Variants in A3GALT2 observed in about 807,000 individuals in gnomAD.
A3GALT2 encodes the protein alpha-1,3-galactosyltransferase 2.
Under a neutral mutation model 16.6 loss-of-function variants are expected in A3GALT2, and 14 were observed. That is an observed-to-expected ratio of 0.84 (90% confidence interval 0.56 to 1.32). The LOEUF is 1.32. Ranked by LOEUF, A3GALT2 falls within the 40% of genes most tolerant of loss-of-function variation. The pLI is 0.00. For missense variants in A3GALT2, 600 were observed against 490.9 expected, an observed-to-expected ratio of 1.22 and a Z score of -2.10; for synonymous variants, 253 against 218.0, an observed-to-expected ratio of 1.16 and a Z score of -1.42.
chr1:33,309,122 A>C (rs1646219384), intron 4 of A3GALT2, among the ~76,000 whole-genome samples: 1 of 151,918 alleles, frequency 6.6e-6, no homozygotes, highest in African/African-American at 2.4e-5. Flanking sequence ...AGGCAGAAGA[A>C]TTTTTCTTAG....
Position 33,312,468 on chromosome 1 carries a change from G to T in A3GALT2, c.197+33C>A, listed in dbSNP as rs369278369. 337 of 1,531,734 alleles carry T rather than the reference G, an allele frequency of 2.2e-4. 5 individuals carry two copies. In the South Asian group the frequency reaches 2.5e-3, roughly 11 times the overall value. 94.9% of individuals were successfully genotyped at this position (1,531,734 alleles called of 1,614,324 possible). Reference sequence around the variant, plus strand: ...GCAGAGCTGTGTAGGGTTTGGGGGTGCCCTTGGAGTAGGAGGGATGGGAGC... The same window carrying T: ...GCAGAGCTGTGTAGGGTTTGGGGGTTCCCTTGGAGTAGGAGGGATGGGAGC... On this transcript the variant is annotated intron_variant, in intron 3 of 4. Coordinates refer to ENST00000442999, the MANE Select transcript of A3GALT2 (RefSeq NM_001080438.1).
chr1:33,318,429 A>G (rs1005282455), intron 1 of A3GALT2, among the ~76,000 whole-genome samples: 1 of 150,032 alleles, frequency 6.7e-6, no homozygotes, highest in African/African-American at 2.5e-5. Flanking sequence ...GTTCTCAGCG[A>G]TTGATCCCAG....
At chr1:33,312,012 T>A in intron 4 of A3GALT2, 40 bp downstream of exon 4, 1 of 1,611,592 alleles carries the variant, frequency 6.2e-7, no homozygotes, top group Non-Finnish European at 8.5e-7. Flanking sequence ...CCCCTCCCAC[T>A]CACAGCTTTG....
At chr1:33,311,801 C>T (rs1249483475) in intron 4 of A3GALT2, among the ~76,000 whole-genome samples, 2 of 152,252 alleles carry the variant, frequency 1.3e-5, no homozygotes, top group Non-Finnish European at 2.9e-5. Context: ...AGGCAGGTCC[C>T]TTCCAGATGT....
intron 4 of A3GALT2, among the ~76,000 whole-genome samples, chr1:33,309,155 T>C (rs1277657112): frequency 6.6e-6 from 1 of 152,190 alleles, no homozygotes; most frequent in African/African-American, 2.4e-5. Flanking sequence ...TGGAGTATCC[T>C]ATGTCTACTT....
chr1:33,312,977 A>G, intron 1 of A3GALT2, 87 bp from the exon 2 acceptor site: 2 of 1,107,046 alleles, frequency 1.8e-6, no homozygotes, highest in Admixed American at 4.1e-5. Context: ...AGTCTTTCTT[A>G]CTTCCAGCCA....
At chr1:33,312,308 T>C (rs1408484461) in intron 3 of A3GALT2, 119 bp from the exon 4 acceptor site, 1 of 1,441,938 alleles carries the variant, frequency 6.9e-7, no homozygotes, top group Admixed American at 2.2e-5. Flanking sequence ...GAGACCTAGT[T>C]GCTGCCCCTG....
chr1:33,309,876 G>A (rs1024362448), intron 4 of A3GALT2, among the ~76,000 whole-genome samples: 43 of 152,172 alleles, frequency 2.8e-4, no homozygotes, highest in Non-Finnish European at 4.9e-4. Context: ...GCCAGGCAGA[G>A]ACGCTCCTCA....
rs1646243836 is a variant in A3GALT2, at chr1:33,313,175, G to GGT, written c.24-286_24-285insAC. On this transcript the variant is annotated intron_variant, in intron 1 of 4. Transcript: ENST00000442999. ...CAAGTGTTTGTGGCTCAGTGACGGA[G>GGT]TTTTTTTTTTTTTTTTTTTTTTTTT... The GGT allele has an allele frequency of 1.5e-4, 14 of 90,634 alleles. 5 individuals carry two copies. The highest frequency in any genetic ancestry group is 1.2e-3 in the East Asian group (3 of 2,546). The allele number at this position is 90,634 out of a possible 1,614,324, so 5.6% of individuals were successfully genotyped here. A position where few individuals can be genotyped will look rare whatever the true frequency, so the allele number is the denominator to read the frequency against.
intron 1 of A3GALT2, chr1:33,314,860 A>G (rs1646254043): frequency 6.6e-6 from 1 of 152,242 alleles, no homozygotes; most frequent in Non-Finnish European, 1.5e-5. Flanking sequence ...TAGTAGGCAA[A>G]TATATGGAAA....
chr1:33,315,171 C>T (rs1352099006), intron 1 of A3GALT2, among the ~76,000 whole-genome samples: 2 of 152,066 alleles, frequency 1.3e-5, no homozygotes, highest in Non-Finnish European at 2.9e-5. Context: ...ATCACAAGGT[C>T]AAGAGATCGA....
At position 33,307,182 on chromosome 1, in the gene A3GALT2, G is replaced by C. The variant is rs749684737; in HGVS notation, c.607C>G (p.His203Asp). ...HFMFCMDVDQHFSGTFGPEAL... is the reference protein window; with the variant it reads ...HFMFCMDVDQDFSGTFGPEAL... ...TCGGGCCCAAAAGTGCCGCTGAAGT[G>C]CTGGTCCACGTCCATGCAGAACATG... The change falls in exon 5 of 5, where the codon CAC becomes GAC. Residue 203 changes from histidine (H) to aspartate (D), a missense_variant. Transcript: ENST00000442999. 1 of 1,550,234 alleles carries C rather than the reference G, an allele frequency of 6.5e-7. No individual in the cohort carries two copies. Among genetic ancestry groups the C allele is most frequent in the East Asian group, 2.5e-5 (1 of 39,604 alleles).
chr1:33,320,948 G>A lies in A3GALT2; in HGVS notation c.23+128C>T, dbSNP rs1049720817. The A allele has an allele frequency of 7.5e-5, 92 of 1,230,532 alleles. No individual in the cohort carries two copies. The Middle Eastern group carries it at 7.7e-4, about 10-fold the overall frequency. The allele number at this position is 1,230,532 out of a possible 1,614,324, so 76.2% of individuals were successfully genotyped here. A position where few individuals can be genotyped will look rare whatever the true frequency, so the allele number is the denominator to read the frequency against. On this transcript the variant is annotated intron_variant, in intron 1 of 4. Coordinates refer to ENST00000442999, the MANE Select transcript of A3GALT2 (RefSeq NM_001080438.1). This position sits in a 1 kb window ranked among gnomAD's most constrained non-coding sequence, Gnocchi z 4.3. ...GGAGCCACCTTTCCCCAGGACTGGA[G>A]GCTCAGCTGGTACTCCTGGGCTCAC...
intron 4 of A3GALT2, among the ~76,000 whole-genome samples, chr1:33,310,485 C>T (rs1275583509): frequency 1.3e-5 from 2 of 152,178 alleles, no homozygotes; most frequent in Admixed American, 6.5e-5. Context: ...CCTTGGGATC[C>T]TAGGACTTTA....
In A3GALT2 at chr1:33,312,102, C is replaced by A. The variant is rs1312458629; in HGVS notation, c.285G>T (p.Glu95Asp). The A allele has an allele frequency of 6.2e-7, 1 of 1,613,748 alleles. No homozygotes were observed. Among genetic ancestry groups the A allele is most frequent in the Admixed American group, 1.7e-5 (1 of 60,006 alleles). Residue 95 changes from glutamate (E) to aspartate (D), a missense_variant, in exon 4 of 5, where the codon GAG (glutamate) becomes GAT (aspartate). Transcript: ENST00000442999. ...CAATGGTGAGGTTCTGCTGTCTAGC[C>A]TCTTGCTTGGCCACATCTGGGTCGA... Reference protein sequence around the residue: ...GSFDPDVAKQEARQQNLTIGL... With the variant: ...GSFDPDVAKQDARQQNLTIGL...
chr1:33,308,756 T>TTTTTTTTTTTG, intron 4 of A3GALT2, among the ~76,000 whole-genome samples: 1 of 95,384 alleles, frequency 1.0e-5, no homozygotes, highest in East Asian at 3.0e-4. Flanking sequence ...AGTTGTTTTT[T>TTTTTTTTTTTG]TTTTTTTTTT....
At chr1:33,308,750 G>GTTGTTTTTTTTTTTTTTTTTTTTTTTT (rs1646216251) in intron 4 of A3GALT2, among the ~76,000 whole-genome samples, 1 of 46,130 alleles carries the variant, frequency 2.2e-5, no homozygotes, top group Non-Finnish European at 3.8e-5. Context: ...TGTCAAAGTT[G>GTTGTTTTTTTTTTTTTTTTTTTTTTTT]TTTTTTTTTT....
chr1:33,316,423 GAAA>G (rs1295919635), intron 1 of A3GALT2, among the ~76,000 whole-genome samples: 1 of 151,854 alleles, frequency 6.6e-6, no homozygotes, highest in Non-Finnish European at 1.5e-5. Flanking sequence ...ATTTTTATTT[GAAA>G]AAACAAAACA....
chr1:33,307,222 GC>G lies in A3GALT2; in HGVS notation c.566del (p.Gly189AlafsTer80), dbSNP rs764055401. 5.4e-6 allele frequency: 8 copies of G among 1,495,122 alleles called. No homozygotes were observed. The African/African-American group carries it at 7.3e-5, about 14-fold the overall frequency. 92.6% of individuals were successfully genotyped at this position (1,495,122 alleles called of 1,614,324 possible). ...TGCAGAACATGAAGTGCGCCTCGCG[GC>G]CCGGCAGCCCGCCCAGCGCCGCGTG... ...TLHAALGGLPGREAHFMFCMD... is the reference protein window; with the variant it reads ...TLHAALGGLPXREAHFMFCMD... On this transcript the variant is annotated frameshift_variant, in exon 5 of 5. Coordinates refer to ENST00000442999, the MANE Select transcript of A3GALT2 (RefSeq NM_001080438.1). LOFTEE classifies it low-confidence loss of function (END_TRUNC).
Sources: gnomAD v4.1 joint callset for allele counts (sites outside exome capture counted in the v4.1 genomes callset) on GRCh38, gnomAD v4.1.1 for gene constraint, Gnocchi (gnomAD v3.1) non-coding constraint, MANE v1.5 for transcripts, NCBI Gene and HGNC (gene_info 2026-07-23, HGNC 2026-07-21) for gene names.